Variants in LOXL1 observed in about 807,000 individuals in gnomAD.
LOXL1 encodes lysyl oxidase homolog 1.
LOXL1 carries 31 observed loss-of-function variants against 62.2 expected under a neutral mutation model. The ratio of observed to expected loss-of-function variants is 0.50; its 90% CI spans 0.37 to 0.67. The LOEUF is 0.67. Among genes scored for constraint, LOXL1 ranks in the 30% least tolerant of loss-of-function variants. The pLI is 0.00. For synonymous variants in LOXL1, 403 were observed against 384.4 expected (o/e 1.05, Z -0.56); for missense variants, 775 against 843.4 (o/e 0.92, Z 1.00).
intron 2 of LOXL1, among the ~76,000 whole-genome samples, chr15:73,944,761 A>G (rs988759103): frequency 2.0e-5 from 3 of 152,228 alleles, no homozygotes; most frequent in Admixed American, 6.5e-5. Flanking sequence ...TGAGCCGAAC[A>G]GAAGGGCAGG....
chr15:73,927,389 C>T lies in LOXL1; in HGVS notation c.606C>T (p.Phe202=). Residue 202 remains phenylalanine (F), a synonymous_variant, in exon 1 of 7, where the codon TTC becomes TTT. Coordinates refer to ENST00000261921, the MANE Select transcript of LOXL1 (RefSeq NM_005576.4). ...CGTCGCGGACCTACGACCAGGGTTT[C>T]GTGTACTACCGGCCCGCGGGCGGCG... The part of the protein sequence containing the change: ...DPASRTYDQG[F]VYYRPAGGGV... The T allele has an allele frequency of 8.3e-6, 13 of 1,574,034 alleles. No homozygotes were observed. The highest frequency in any genetic ancestry group is 1.1e-5 in the Non-Finnish European group (13 of 1,160,772).
chr15:73,951,905 C>G lies in LOXL1; in HGVS notation c.*68C>G, dbSNP rs552081038. Reference sequence around the variant, plus strand: ...AGGCCCTGCTCCCCGGGCAGCCTCCCGCCGAGGGGCCCAGCCCCCAACCCA... The same window carrying G: ...AGGCCCTGCTCCCCGGGCAGCCTCCGGCCGAGGGGCCCAGCCCCCAACCCA... On this transcript the variant is annotated 3_prime_UTR_variant, in exon 7 of 7. Coordinates refer to ENST00000261921, the MANE Select transcript of LOXL1 (RefSeq NM_005576.4). The G allele has an allele frequency of 1.3e-5, 18 of 1,388,636 alleles. No homozygotes were observed. Among genetic ancestry groups the G allele is most frequent in the Non-Finnish European group, 1.7e-5 (18 of 1,055,738 alleles). 86.0% of individuals were successfully genotyped at this position (1,388,636 alleles called of 1,614,324 possible).
At chr15:73,928,150 G>A (rs1325174677) in intron 1 of LOXL1, 1 of 380,194 alleles carries the variant, frequency 2.6e-6, no homozygotes, top group Admixed American at 4.6e-5. Flanking sequence ...TTGGTGGAGG[G>A]ACTAGCCGAG....
At position 73,930,288 on chromosome 15, in the gene LOXL1, G is replaced by C. The variant is rs889353826; in HGVS notation, c.1102+2403G>C. On this transcript the variant is annotated intron_variant, in intron 1 of 6. Coordinates refer to ENST00000261921, the MANE Select transcript of LOXL1 (RefSeq NM_005576.4). The surrounding 1 kb of genome is among the most constrained non-coding windows in gnomAD (Gnocchi z 4.7). Reference sequence around the variant, plus strand: ...CCACAGGAAGCAATGTCTAAGCATTGCTGCAAGGGATGGTCATCAGCACCA... The same window carrying C: ...CCACAGGAAGCAATGTCTAAGCATTCCTGCAAGGGATGGTCATCAGCACCA... Among the ~76,000 whole-genome samples the C allele has an allele frequency of 6.6e-6, 1 of 152,188 alleles. No individual in the cohort carries two copies.
chr15:73,934,264 C>G (rs2068655014), intron 1 of LOXL1, among the ~76,000 whole-genome samples: 1 of 152,232 alleles, frequency 6.6e-6, no homozygotes, highest in Non-Finnish European at 1.5e-5. Context: ...GCAGTGCCAC[C>G]AGACGTTTTA....
chr15:73,932,404 T>A (rs1416588030), intron 1 of LOXL1, among the ~76,000 whole-genome samples: 3 of 152,222 alleles, frequency 2.0e-5, no homozygotes, highest in Admixed American at 6.5e-5. Context: ...AAAAAAAAAA[T>A]TTATATATTA....
Position 73,951,955 on chromosome 15 carries a change from T to C in LOXL1, c.*118T>C. The C allele has an allele frequency of 2.2e-6, 2 of 914,682 alleles. No homozygotes were observed. The highest frequency in any genetic ancestry group is 3.0e-6 in the Non-Finnish European group (2 of 673,724). The allele number at this position is 914,682 out of a possible 1,614,324, so 56.7% of individuals were successfully genotyped here. A position where few individuals can be genotyped will look rare whatever the true frequency, so the allele number is the denominator to read the frequency against. On this transcript the variant is annotated 3_prime_UTR_variant, in exon 7 of 7. Transcript: ENST00000261921. ...ACAGGCACGGAGGGGCATCCCTCCC[T>C]GCCGGCCTCAGGGAGCGAACGTGGA...
chr15:73,940,034 A>G (rs531301380), intron 1 of LOXL1, among the ~76,000 whole-genome samples: 4 of 152,200 alleles, frequency 2.6e-5, no homozygotes, highest in Non-Finnish European at 5.9e-5. Context: ...CCCTCAAAAC[A>G]AAAGTTGCTC....
intron 6 of LOXL1, 27 bp from the exon 7 acceptor site, chr15:73,951,804 A>T (rs376671295): frequency 2.6e-6 from 4 of 1,543,268 alleles, no homozygotes; most frequent in Non-Finnish European, 3.5e-6. Flanking sequence ...GCAGCCCCTC[A>T]TTGACCCACT....
intron 1 of LOXL1, among the ~76,000 whole-genome samples, chr15:73,929,065 A>T (rs1341554221): frequency 6.6e-6 from 1 of 152,226 alleles, no homozygotes; most frequent in African/African-American, 2.4e-5. Context: ...GTTAGCAGAC[A>T]GGGCTACTGT....
intron 1 of LOXL1, chr15:73,928,246 T>G: frequency 4.3e-6 from 1 of 232,810 alleles, no homozygotes; most frequent in Admixed American, 5.7e-5. Flanking sequence ...TCTCCCTCAT[T>G]TCAATGAGGG....
intron 3 of LOXL1, 129 bp downstream of exon 3, chr15:73,946,683 G>T: frequency 8.9e-7 from 1 of 1,127,314 alleles, no homozygotes; most frequent in Non-Finnish European, 1.2e-6. Context: ...GCCCGGGGAG[G>T]TGTTACCTGC....
chr15:73,946,213 C>G (rs2068745843), intron 2 of LOXL1, among the ~76,000 whole-genome samples: 1 of 152,180 alleles, frequency 6.6e-6, no homozygotes, highest in Non-Finnish European at 1.5e-5. Context: ...AGGGGACAGC[C>G]AGGATTTCAC....
intron 6 of LOXL1, among the ~76,000 whole-genome samples, chr15:73,950,859 G>T (rs563653012): frequency 2.6e-5 from 4 of 152,332 alleles, no homozygotes; most frequent in African/African-American, 9.6e-5. Flanking sequence ...ATTAAAAATG[G>T]GAACAGCAGC....
chr15:73,947,932 C>T, intron 5 of LOXL1, 30 bp downstream of exon 5: 7 of 1,525,126 alleles, frequency 4.6e-6, no homozygotes, highest in East Asian at 2.3e-5. Context: ...GCTTTCCCTC[C>T]AACCTGATGT....
At chr15:73,941,667 C>T (rs1025449472) in intron 1 of LOXL1, among the ~76,000 whole-genome samples, 8 of 152,126 alleles carry the variant, frequency 5.3e-5, no homozygotes, top group Admixed American at 3.3e-4. Context: ...AGAGAGGAGA[C>T]GGAATTAGAG....
chr15:73,936,558 G>A (rs1443251298), intron 1 of LOXL1, among the ~76,000 whole-genome samples: 2 of 152,208 alleles, frequency 1.3e-5, no homozygotes, highest in Admixed American at 1.3e-4. Context: ...TTATCCTCCA[G>A]CCCTGGGCTC....
At position 73,926,910 on chromosome 15, in the gene LOXL1, A is replaced by T; in HGVS notation, c.127A>T (p.Ile43Phe). 1.3e-6 allele frequency: 2 copies of T among 1,569,626 alleles called. No individual in the cohort carries two copies. Among genetic ancestry groups the T allele is most frequent in the Non-Finnish European group, 1.7e-6 (2 of 1,158,562 alleles). The change falls in exon 1 of 7, where the codon ATC becomes TTC. Residue 43 changes from isoleucine (I) to phenylalanine (F), a missense_variant. Physicochemically the swap from Ile to Phe is conservative, Grantham distance 21. Coordinates refer to ENST00000261921, the MANE Select transcript of LOXL1 (RefSeq NM_005576.4). ...GSDPARWRQL[I>F]QWENNGQVYS... ...GGACCCCGCCCGCTGGCGGCAGCTG[A>T]TCCAGTGGGAGAACAACGGGCAGGT...
chr15:73,928,144 T>TGGAGGGACTAGCCGAGCTTTGGGA (rs1329712204), intron 1 of LOXL1: 49 of 384,884 alleles, frequency 1.3e-4, no homozygotes, highest in Non-Finnish European at 5.0e-5. Flanking sequence ...CTGGCTTTGG[T>TGGAGGGACTAGCCGAGCTTTGGGA]GGAGGGACTA....
Sources: gnomAD v4.1 joint callset for allele counts (sites outside exome capture counted in the v4.1 genomes callset) on GRCh38, gnomAD v4.1.1 for gene constraint, Gnocchi (gnomAD v3.1) non-coding constraint, MANE v1.5 for transcripts, NCBI Gene and HGNC (gene_info 2026-07-23, HGNC 2026-07-21) for gene names.